Variants in NUBPL observed in about 807,000 individuals in gnomAD.
NUBPL encodes iron-sulfur cluster transfer protein NUBPL.
In NUBPL, 31 loss-of-function variants were observed where a neutral mutation model predicts 45.7. The ratio of observed to expected loss-of-function variants is 0.68; its 90% CI spans 0.51 to 0.92. The LOEUF is 0.92. Among genes scored for constraint, NUBPL ranks in the 40% least tolerant of loss-of-function variants. The pLI, the probability that NUBPL is intolerant of heterozygous loss-of-function variation, is 0.00. For synonymous variants in NUBPL, 144 were observed against 140.9 expected (o/e 1.02, Z -0.15); for missense variants, 401 against 398.7 (o/e 1.01, Z -0.05).
intron 6 of NUBPL, among the ~76,000 whole-genome samples, chr14:31,717,789 A>AT (rs940792521): frequency 1.3e-5 from 2 of 151,618 alleles, no homozygotes; most frequent in Non-Finnish European, 2.9e-5. Context: ...TAAAAAAAAA[A>AT]AATGGTATTT....
At chr14:31,799,834 A>G (rs973160025) in intron 7 of NUBPL, among the ~76,000 whole-genome samples, 3 of 152,218 alleles carry the variant, frequency 2.0e-5, no homozygotes, top group African/African-American at 4.8e-5. Context: ...ATAAGACAAC[A>G]AAGAAGTTTG....
At chr14:31,713,067 CTTTTTGAGAAGGCTGAGGATCATT>C (rs2037612973) in intron 6 of NUBPL, among the ~76,000 whole-genome samples, 1 of 152,084 alleles carries the variant, frequency 6.6e-6, no homozygotes, top group African/African-American at 2.4e-5. Flanking sequence ...TTCTTTGATA[CTTTTTGAGAAGGCTGAGGATCATT>C]TCCTGAGAAA....
chr14:31,728,692 A>G lies in NUBPL; in HGVS notation c.513+55118A>G, dbSNP rs1428143737. Among the ~76,000 whole-genome samples, 4 of 152,302 alleles carry G rather than the reference A, an allele frequency of 2.6e-5. No individual in the cohort carries two copies. In the East Asian group the frequency reaches 7.7e-4, roughly 29 times the overall value. ...CTCAACCATAAGACCTGTCTCTGCA[A>G]TCTCATTATAGCTGATACTTTTACA... On this transcript the variant is annotated intron_variant, in intron 6 of 10. Coordinates refer to ENST00000281081, the MANE Select transcript of NUBPL (RefSeq NM_025152.3).
intron 3 of NUBPL, among the ~76,000 whole-genome samples, chr14:31,583,772 A>G (rs58110472): frequency 0.31 from 46,436 of 151,916 alleles, 7,741 homozygotes; most frequent in South Asian, 0.41. Context: ...GCATGGTGAT[A>G]TCTTGGACTG....
At chr14:31,581,080 G>A (rs12886052) in intron 3 of NUBPL, among the ~76,000 whole-genome samples, 45,821 of 152,008 alleles carry the variant, frequency 0.3, 7,620 homozygotes, top group South Asian at 0.4. Flanking sequence ...AGCTAAAGTT[G>A]ATAGCTTGGA....
At chr14:31,665,858 G>A (rs1595460469) in intron 4 of NUBPL, among the ~76,000 whole-genome samples, 1 of 152,174 alleles carries the variant, frequency 6.6e-6, no homozygotes, top group African/African-American at 2.4e-5. Flanking sequence ...TTACTGTGGG[G>A]GAGTCTAAGT....
intron 6 of NUBPL, among the ~76,000 whole-genome samples, chr14:31,722,854 G>A (rs2139954101): frequency 6.6e-6 from 1 of 152,190 alleles, no homozygotes; most frequent in East Asian, 1.9e-4. Flanking sequence ...CACATGCAGA[G>A]TTTGTGAATA....
At chr14:31,810,444 G>A (rs560258007) in intron 7 of NUBPL, among the ~76,000 whole-genome samples, 15 of 151,878 alleles carry the variant, frequency 9.9e-5, no homozygotes, top group African/African-American at 3.4e-4. Context: ...TGCAACCCCT[G>A]TTGTTTTTTG....
intron 6 of NUBPL, among the ~76,000 whole-genome samples, chr14:31,689,092 G>A (rs2037034695): frequency 1.3e-5 from 2 of 151,576 alleles, no homozygotes; most frequent in African/African-American, 2.4e-5. Flanking sequence ...GGTTGATTCC[G>A]TGCCTTTGCT....
chr14:31,688,437 C>T (rs1313669896), intron 6 of NUBPL, among the ~76,000 whole-genome samples: 2 of 151,690 alleles, frequency 1.3e-5, no homozygotes, highest in African/African-American at 4.8e-5. Context: ...GTTAGCCAGG[C>T]GTGGTGGTGG....
At chr14:31,768,253 C>T (rs774976076) in intron 6 of NUBPL, among the ~76,000 whole-genome samples, 25 of 152,348 alleles carry the variant, frequency 1.6e-4, no homozygotes, top group Non-Finnish European at 2.8e-4. Context: ...TCTTAGATAG[C>T]TCTGAAGAAG....
chr14:31,563,652 T>C (rs1053711694), intron 2 of NUBPL, among the ~76,000 whole-genome samples: 2 of 152,232 alleles, frequency 1.3e-5, no homozygotes, highest in Non-Finnish European at 2.9e-5. Flanking sequence ...TTCAAAATAC[T>C]TCCCATTTGA....
intron 4 of NUBPL, among the ~76,000 whole-genome samples, chr14:31,657,622 T>C (rs1168157277): frequency 3.3e-5 from 5 of 152,200 alleles, no homozygotes; most frequent in Admixed American, 6.5e-5. Flanking sequence ...TTTTCTTGCT[T>C]CATAATATAC....
intron 4 of NUBPL, among the ~76,000 whole-genome samples, chr14:31,666,631 G>A (rs1460843924): frequency 2.0e-5 from 3 of 151,982 alleles, no homozygotes; most frequent in Admixed American, 1.3e-4. Flanking sequence ...TAGTTGATGC[G>A]GTTTCTTCAT....
intron 6 of NUBPL, among the ~76,000 whole-genome samples, chr14:31,675,805 G>A (rs1225585595): frequency 6.6e-6 from 1 of 152,050 alleles, no homozygotes; most frequent in Non-Finnish European, 1.5e-5. Flanking sequence ...ACAATGAGAT[G>A]CATAGATTTT....
chr14:31,761,035 GA>G (rs2038796854), intron 6 of NUBPL, among the ~76,000 whole-genome samples: 1 of 151,962 alleles, frequency 6.6e-6, no homozygotes, highest in South Asian at 2.1e-4. Context: ...ATTCTCATAG[GA>G]AAAAGGTTTG....
chr14:31,681,485 T>TC lies in NUBPL; in HGVS notation c.513+7912dup, dbSNP rs397763916. Among the ~76,000 whole-genome samples the TC allele has an allele frequency of 5.8e-3, 881 of 151,498 alleles. 9 individuals are homozygous for TC. Among genetic ancestry groups the TC allele is most frequent in the South Asian group, 0.011 (51 of 4,812 alleles). On this transcript the variant is annotated intron_variant, in intron 6 of 10. Coordinates refer to ENST00000281081, the MANE Select transcript of NUBPL (RefSeq NM_025152.3). ...TTATAAACTTTACTGGTTTTTTTTT[T>TC]CAAAAAAACCGACTTTTCACCCTTA...
intron 6 of NUBPL, among the ~76,000 whole-genome samples, chr14:31,730,589 G>C (rs765590904): frequency 6.6e-6 from 1 of 151,298 alleles, no homozygotes; most frequent in African/African-American, 2.4e-5. Flanking sequence ...TCAGTCTCCC[G>C]AGTAGCTGGG....
chr14:31,822,710 T>A (rs1207804254), intron 7 of NUBPL, among the ~76,000 whole-genome samples: 2 of 151,908 alleles, frequency 1.3e-5, no homozygotes, highest in Admixed American at 6.5e-5. Context: ...ACAAAAAAAA[T>A]TTTACACCAA....
Sources: allele counts gnomAD v4.1 joint callset (sites outside exome capture counted in the v4.1 genomes callset), GRCh38; gene constraint gnomAD v4.1.1; transcripts MANE v1.5; gene names NCBI Gene and HGNC (gene_info 2026-07-23, HGNC 2026-07-21).